Variants in MAD1L1 observed in about 807,000 individuals in gnomAD.
MAD1L1 encodes the protein mitotic arrest deficient 1 like 1.
Under a neutral mutation model 96.9 loss-of-function variants are expected in MAD1L1, and 95 were observed. The ratio of observed to expected loss-of-function variants is 0.98; its 90% CI spans 0.83 to 1.16. The LOEUF (loss-of-function observed/expected upper bound fraction) is 1.16. Among genes scored for constraint, MAD1L1 ranks in the 50% most tolerant of loss-of-function variants. The probability of loss-of-function intolerance (pLI) is 0.00; values close to 1 mark genes in which losing one functional copy is unlikely to be tolerated. For missense variants in MAD1L1, 1,007 were observed against 954.4 expected, an observed-to-expected ratio of 1.06 and a Z score of -0.73; for synonymous variants, 473 against 396.6, an observed-to-expected ratio of 1.19 and a Z score of -2.29.
chr7:1,981,428 G>A (rs1301185311), intron 14 of MAD1L1, among the ~76,000 whole-genome samples: 4 of 152,152 alleles, frequency 2.6e-5, no homozygotes, highest in Admixed American at 1.3e-4. Flanking sequence ...GAGGGGCTAC[G>A]TAGGCACCAG....
intron 13 of MAD1L1, among the ~76,000 whole-genome samples, chr7:2,010,263 C>T (rs996946926): frequency 4.0e-5 from 6 of 151,706 alleles, no homozygotes; most frequent in Non-Finnish European, 8.8e-5. Context: ...AGTGACAGCA[C>T]CCGCAGAGCT....
At chr7:1,878,701 C>G (rs10265944) in intron 18 of MAD1L1, among the ~76,000 whole-genome samples, 2 of 150,692 alleles carry the variant, frequency 1.3e-5, no homozygotes, top group Non-Finnish European at 2.9e-5. Context: ...TGGATGCTTT[C>G]TCGCTAGCAT....
chr7:1,855,506 T>C (rs544832762), intron 18 of MAD1L1, among the ~76,000 whole-genome samples: 3 of 151,976 alleles, frequency 2.0e-5, no homozygotes, highest in Admixed American at 2.0e-4. Flanking sequence ...TCCAGTCTCA[T>C]CCCTCACACA....
At chr7:1,998,138 G>A (rs981364130) in intron 14 of MAD1L1, among the ~76,000 whole-genome samples, 2 of 152,168 alleles carry the variant, frequency 1.3e-5, no homozygotes, top group Non-Finnish European at 2.9e-5. Flanking sequence ...TGCACCAAGC[G>A]CACCTCACAG....
At chr7:1,996,122 C>T (rs991551555) in intron 14 of MAD1L1, among the ~76,000 whole-genome samples, 12 of 152,120 alleles carry the variant, frequency 7.9e-5, no homozygotes, top group African/African-American at 2.7e-4. Context: ...GTGCCGGGCC[C>T]TGCCGGTCTA....
intron 17 of MAD1L1, among the ~76,000 whole-genome samples, chr7:1,902,850 C>A (rs150608571): frequency 2.0e-5 from 3 of 149,692 alleles, no homozygotes; most frequent in Admixed American, 6.6e-5. Context: ...CTATGGAAGA[C>A]GCTCTTGCGG....
At chr7:1,944,293 CGG>C (rs1562549104) in intron 16 of MAD1L1, among the ~76,000 whole-genome samples, 1 of 152,154 alleles carries the variant, frequency 6.6e-6, no homozygotes, top group African/African-American at 2.4e-5. Flanking sequence ...CGAAGGGTGA[CGG>C]TGGTTGCACT....
Position 2,083,728 on chromosome 7 carries a change from CAAG to C in MAD1L1, c.1074-14393_1074-14391del, listed in dbSNP as rs1785770872. 2.0e-5 allele frequency among the ~76,000 whole-genome samples: 3 copies of C among 152,364 alleles called. No individual in the cohort carries two copies. The South Asian group carries it at 6.2e-4, about 32-fold the overall frequency. ...CACTGACCTGCAGCAGGCTGTGTAC[CAAG>C]AAGACCAACATTTCCTCCTCCCAGT... On this transcript the variant is annotated intron_variant, in intron 11 of 18. Transcript: ENST00000265854.
At chr7:1,997,217 C>G (rs999743375) in intron 14 of MAD1L1, among the ~76,000 whole-genome samples, 13 of 152,240 alleles carry the variant, frequency 8.5e-5, no homozygotes, top group African/African-American at 2.9e-4. Context: ...TTCTCATTTC[C>G]TAAATAACAA....
At chr7:1,834,912 C>G (rs1348510397) in intron 18 of MAD1L1, among the ~76,000 whole-genome samples, 1 of 151,948 alleles carries the variant, frequency 6.6e-6, no homozygotes, top group Non-Finnish European at 1.5e-5. Context: ...AAATTCAAAA[C>G]AAAACGGTTA....
At chr7:2,121,005 A>G (rs1562706719) in intron 11 of MAD1L1, among the ~76,000 whole-genome samples, 1 of 152,132 alleles carries the variant, frequency 6.6e-6, no homozygotes, top group Non-Finnish European at 1.5e-5. Context: ...GCACAGGTGG[A>G]CTCGAGGGAG....
chr7:2,192,088 G>C (rs1173559092), intron 10 of MAD1L1, among the ~76,000 whole-genome samples: 1 of 151,468 alleles, frequency 6.6e-6, no homozygotes, highest in Non-Finnish European at 1.5e-5. Context: ...ATTAAATCAG[G>C]GTGGAGGTAG....
intron 14 of MAD1L1, 36 bp from the exon 15 acceptor site, chr7:1,980,577 C>G (rs766561520): frequency 2.6e-6 from 4 of 1,544,932 alleles, no homozygotes; most frequent in Non-Finnish European, 3.5e-6. Context: ...TCAGCAGACA[C>G]GAGCGCACCC....
At chr7:2,042,388 CT>C (rs1431541381) in intron 12 of MAD1L1, among the ~76,000 whole-genome samples, 1 of 152,186 alleles carries the variant, frequency 6.6e-6, no homozygotes, top group Non-Finnish European at 1.5e-5. Context: ...CACGGCATTC[CT>C]AACTGCCACC....
At chr7:2,153,184 A>G (rs946455790) in intron 10 of MAD1L1, among the ~76,000 whole-genome samples, 4 of 152,220 alleles carry the variant, frequency 2.6e-5, no homozygotes, top group African/African-American at 9.6e-5. Flanking sequence ...AAATAGACAA[A>G]TGGGACTACA....
intron 10 of MAD1L1, among the ~76,000 whole-genome samples, chr7:2,170,707 A>G (rs1369477113): frequency 6.6e-6 from 1 of 152,212 alleles, no homozygotes; most frequent in Non-Finnish European, 1.5e-5. Flanking sequence ...TGCACGAGAA[A>G]GGGTTTCCAA....
chr7:2,093,244 CA>C (rs10654575), intron 11 of MAD1L1, among the ~76,000 whole-genome samples: 17 of 101,020 alleles, frequency 1.7e-4, no homozygotes, highest in South Asian at 3.9e-4. Context: ...GACTCCGTGT[CA>C]AAAAAAAAAA....
intron 13 of MAD1L1, among the ~76,000 whole-genome samples, chr7:2,011,649 C>T (rs1782308372): frequency 6.6e-6 from 1 of 152,204 alleles, no homozygotes; most frequent in Non-Finnish European, 1.5e-5. Flanking sequence ...CGCGGAGGTG[C>T]CCCCTCTGAT....
At chr7:2,207,697 A>T (rs1426338619) in intron 10 of MAD1L1, among the ~76,000 whole-genome samples, 1 of 152,174 alleles carries the variant, frequency 6.6e-6, no homozygotes, top group Non-Finnish European at 1.5e-5. Context: ...CATCTTCCCG[A>T]GTTCTGTGAG....
Sources: gnomAD v4.1 joint callset for allele counts (sites outside exome capture counted in the v4.1 genomes callset) on GRCh38, gnomAD v4.1.1 for gene constraint, MANE v1.5 for transcripts, NCBI Gene and HGNC (gene_info 2026-07-23, HGNC 2026-07-21) for gene names.